The following GALC variants were observed in gnomAD, a reference collection of about 807,000 sequenced individuals.
GALC encodes galactocerebrosidase.
GALC carries 77 observed loss-of-function variants against 91.8 expected under a neutral mutation model. The observed-to-expected ratio is 0.84, with a 90% CI of 0.70 to 1.01. The LOEUF is 1.01. Ranked by LOEUF, GALC falls within the 50% of genes least tolerant of loss-of-function variation. The pLI is 0.00. For synonymous variants in GALC, 357 were observed against 306.7 expected, an observed-to-expected ratio of 1.16 and a Z score of -1.71; for missense variants, 882 against 855.9, an observed-to-expected ratio of 1.03 and a Z score of -0.38.
At chr14:87,952,564 C>A in intron 10 of GALC, 1 of 1,016,484 alleles carries the variant, frequency 9.8e-7, no homozygotes. Flanking sequence ...TCACAACACA[C>A]AGTTTCTTTA....
At chr14:87,984,572 T>G (rs1047443242) in intron 4 of GALC, 39 bp from the exon 5 acceptor site, 9 of 1,612,296 alleles carry the variant, frequency 5.6e-6, no homozygotes, top group Non-Finnish European at 7.6e-6. Context: ...AGAGGAGGTA[T>G]AACGGTGCTG....
intron 6 of GALC, among the ~76,000 whole-genome samples, chr14:87,979,225 C>A (rs1216288904): frequency 6.6e-6 from 1 of 152,062 alleles, no homozygotes; most frequent in African/African-American, 2.4e-5. Context: ...TGGGGTTTCA[C>A]CATGTTGGTC....
intron 12 of GALC, among the ~76,000 whole-genome samples, chr14:87,949,611 T>C (rs1487225417): frequency 1.3e-5 from 2 of 151,954 alleles, no homozygotes; most frequent in African/African-American, 4.8e-5. Context: ...ACTGGCGGGA[T>C]ACAGAGGGTG....
At position 87,947,784 on chromosome 14, in the gene GALC, G is replaced by A. The variant is rs775234578; in HGVS notation, c.1433C>T (p.Pro478Leu). ...GAAGGGCTGGGATTTTGGAGGAAGC[G>A]GGTAGCTGCCTTTGCGACCAGTGGT... ...TLTTGRKGSY[P>L]LPPKSQPFPS... The change falls in exon 13 of 17, where the codon CCG becomes CTG. Residue 478 changes from proline to leucine, a missense_variant. Physicochemically the swap from Pro to Leu is moderately conservative, Grantham distance 98 (BLOSUM62 -3). Coordinates refer to ENST00000261304, the MANE Select transcript of GALC (RefSeq NM_000153.4). 3.5e-5 allele frequency: 56 copies of A among 1,612,766 alleles called. No individual in the cohort carries two copies. Among genetic ancestry groups the A allele is most frequent in the Non-Finnish European group, 4.2e-5 (50 of 1,179,220 alleles).
Position 87,984,589 on chromosome 14 carries a change from T to C in GALC, c.443-56A>G, listed in dbSNP as rs1886894226. On this transcript the variant is annotated intron_variant, in intron 4 of 16. Transcript: ENST00000261304. Reference sequence around the variant, plus strand: ...AGGAGGTATAACGGTGCTGGCGCTATTGAAAATAAAACAAATTTTTTTTAA... The same window carrying C: ...AGGAGGTATAACGGTGCTGGCGCTACTGAAAATAAAACAAATTTTTTTTAA... The C allele has an allele frequency of 5.6e-6, 9 of 1,599,128 alleles. No individual in the cohort carries two copies. The South Asian group carries it at 7.8e-5, about 14-fold the overall frequency.
chr14:87,978,183 C>G (rs1353259609), intron 6 of GALC, among the ~76,000 whole-genome samples: 1 of 152,170 alleles, frequency 6.6e-6, no homozygotes, highest in Non-Finnish European at 1.5e-5. Context: ...TCTCAAGTAG[C>G]TGGGATTACA....
upstream of GALC, chr14:87,993,550 G>A (rs571981913): frequency 1.5e-6 from 2 of 1,306,240 alleles, no homozygotes; most frequent in Admixed American, 2.0e-5. Context: ...ACCAGGTCCC[G>A]ATTCCATTGT....
At chr14:87,973,508 GT>G (rs1277811435) in intron 7 of GALC, among the ~76,000 whole-genome samples, 7 of 152,148 alleles carry the variant, frequency 4.6e-5, no homozygotes, top group Non-Finnish European at 2.9e-5. Flanking sequence ...GTTAAAACTT[GT>G]AGCTGTCAAA....
rs536943556 is a variant in GALC at position 87,972,319 on chromosome 14, C to G, written c.753-3829G>C. ...TGCCATTTAAATAAAGTTTTTAAAC[C>G]GGCAAAATTAGTCCATGGTGTCAGA... On this transcript the variant is annotated intron_variant, in intron 7 of 16. Coordinates refer to ENST00000261304, the MANE Select transcript of GALC (RefSeq NM_000153.4). Among the ~76,000 whole-genome samples, 3 of 152,028 alleles carry G rather than the reference C, an allele frequency of 2.0e-5. No individual in the cohort carries two copies. The South Asian group carries it at 6.2e-4, about 32-fold the overall frequency.
intron 6 of GALC, among the ~76,000 whole-genome samples, chr14:87,978,785 A>G (rs1249850674): frequency 6.6e-6 from 1 of 152,004 alleles, no homozygotes; most frequent in Non-Finnish European, 1.5e-5. Flanking sequence ...AAAACTTAAG[A>G]ACACCACTGA....
intron 10 of GALC, among the ~76,000 whole-genome samples, chr14:87,957,309 T>C (rs1382584143): frequency 6.6e-6 from 1 of 152,118 alleles, no homozygotes. Context: ...TTTGGGGTCT[T>C]AGTTATAAAT....
intron 10 of GALC, among the ~76,000 whole-genome samples, chr14:87,956,305 C>T (rs770913230): frequency 6.6e-5 from 10 of 151,866 alleles, no homozygotes; most frequent in Non-Finnish European, 7.4e-5. Context: ...AACTAAAATA[C>T]TCCAGCAAAT....
intron 4 of GALC, among the ~76,000 whole-genome samples, chr14:87,985,807 G>A (rs754570725): frequency 6.6e-6 from 1 of 152,100 alleles, no homozygotes; most frequent in Non-Finnish European, 1.5e-5. Flanking sequence ...CACAAGCTCT[G>A]TACACATTCT....
intron 16 of GALC, among the ~76,000 whole-genome samples, chr14:87,938,384 GA>G (rs1202203015): frequency 1.3e-5 from 2 of 151,994 alleles, no homozygotes; most frequent in Admixed American, 1.3e-4. Flanking sequence ...AGAAAACTCT[GA>G]AGGAAGCAAG....
chr14:87,993,477 C>T (rs1175232509), upstream of GALC: 3 of 1,535,752 alleles, frequency 2.0e-6, no homozygotes, highest in South Asian at 3.6e-5. Flanking sequence ...ATGAGTGGCC[C>T]TACCATGGCT....
intron 7 of GALC, 45 bp downstream of exon 7, chr14:87,976,313 C>G (rs1486950833): frequency 6.2e-7 from 1 of 1,608,324 alleles, no homozygotes; most frequent in Admixed American, 1.7e-5. Context: ...ATACACAGAG[C>G]AAGCAATCAG....
Position 87,950,738 on chromosome 14 carries a change from T to A in GALC, c.1172A>T (p.His391Leu), listed in dbSNP as rs1395397636. The A allele has an allele frequency of 7.2e-6, 11 of 1,532,480 alleles. No individual in the cohort carries two copies. The highest frequency in any genetic ancestry group is 9.6e-6 in the Non-Finnish European group (11 of 1,142,206). 94.9% of individuals were successfully genotyped at this position (1,532,480 alleles called of 1,614,324 possible). A position where few individuals can be genotyped will look rare whatever the true frequency, so the allele number is the denominator to read the frequency against. ...TIIIETMSHK[H>L]SKCIRPFLPY... ...AAGAAATGGCCGTATGCACTTAGAATGTTTATGACTCTGAAAAAAAAAAAT... is the reference window on the plus strand; with the variant it reads ...AAGAAATGGCCGTATGCACTTAGAAAGTTTATGACTCTGAAAAAAAAAAAT... Residue 391 changes from histidine (H) to leucine (L), a missense_variant, in exon 11 of 17, where the codon CAT (histidine) becomes CTT (leucine). By Grantham distance (99) the His-to-Leu change is moderately conservative. Transcript: ENST00000261304.
intron 12 of GALC, among the ~76,000 whole-genome samples, chr14:87,949,175 G>A (rs1885203795): frequency 6.7e-6 from 1 of 149,454 alleles, no homozygotes; most frequent in Non-Finnish European, 1.5e-5. Flanking sequence ...GGCCATTCTA[G>A]GTGAAGAACA....
chr14:87,953,064 G>GTA (rs1885379078), intron 10 of GALC: 1 of 1,460,568 alleles, frequency 6.8e-7, no homozygotes, highest in Non-Finnish European at 9.6e-7. Context: ...GCCTGAAGTG[G>GTA]TACAAAGAGA....
Sources: allele counts gnomAD v4.1 joint callset (sites outside exome capture counted in the v4.1 genomes callset), GRCh38; gene constraint gnomAD v4.1.1; transcripts MANE v1.5; gene names NCBI Gene and HGNC (gene_info 2026-07-23, HGNC 2026-07-21).